PPARG: variants seen among roughly 807,000 people sequenced by gnomAD.
PPARG encodes peroxisome proliferator activated receptor gamma, also known as peroxisome proliferator-activated receptor gamma.
Under a neutral mutation model 39.2 loss-of-function variants are expected in PPARG, and 17 were observed. The observed-to-expected ratio is 0.43, with a 90% CI of 0.30 to 0.65. The LOEUF is 0.65. Among genes scored for constraint, PPARG ranks in the 30% least tolerant of loss-of-function variants. PPARG has a pLI of 0.13. For missense variants in PPARG, 406 were observed against 585.9 expected, an observed-to-expected ratio of 0.69 and a Z score of 3.17; for synonymous variants, 223 against 215.7, an observed-to-expected ratio of 1.03 and a Z score of -0.30.
intron 2 of PPARG, among the ~76,000 whole-genome samples, chr3:12,367,104 T>G (rs530276874): frequency 6.6e-6 from 1 of 152,296 alleles, no homozygotes; most frequent in Non-Finnish European, 1.5e-5. Context: ...TATTTCATCT[T>G]GTATGAGTTT....
Position 12,325,610 on chromosome 3 carries a change from T to A in PPARG, c.-9+13157T>A, listed in dbSNP as rs185285314. 5.2e-4 allele frequency among the ~76,000 whole-genome samples: 79 copies of A among 150,518 alleles called. 1 individual carries two copies. Among genetic ancestry groups the A allele is most frequent in the South Asian group, 1.7e-3 (8 of 4,748 alleles). ...AGCAAGACTCTGTCTCAAAAAAAAA[T>A]AAATAAATAAATAAAGGCTTAGTAT... is the stretch of plus-strand genomic sequence containing the variant. On this transcript the variant is annotated intron_variant, in intron 2 of 7. Transcript: ENST00000651735.
chr3:12,374,851 C>G (rs1330013377), intron 2 of PPARG, among the ~76,000 whole-genome samples: 3 of 152,084 alleles, frequency 2.0e-5, no homozygotes, highest in Non-Finnish European at 2.9e-5. Context: ...TAAAACTGCT[C>G]TCACAAAAGT....
At chr3:12,372,921 T>C (rs6809832) in intron 2 of PPARG, among the ~76,000 whole-genome samples, 20,435 of 152,188 alleles carry the variant, frequency 0.13, 1,562 homozygotes, top group Admixed American at 0.21. Flanking sequence ...CTAAAGACTT[T>C]AGCCTGCTTG....
chr3:12,310,815 A>AC (rs950666608), intron 1 of PPARG, among the ~76,000 whole-genome samples: 2 of 149,906 alleles, frequency 1.3e-5, no homozygotes, highest in Non-Finnish European at 3.0e-5. Flanking sequence ...AAAAAAAAAA[A>AC]AAAAAAAAAC....
chr3:12,339,815 T>C (rs2048124229), intron 2 of PPARG, among the ~76,000 whole-genome samples: 1 of 152,226 alleles, frequency 6.6e-6, no homozygotes, highest in African/African-American at 2.4e-5. Context: ...AATCTCTACC[T>C]CCTAATGATT....
chr3:12,289,262 A>G (rs923152398), intron 1 of PPARG, 128 bp downstream of exon 1: 2 of 152,166 alleles, frequency 1.3e-5, no homozygotes, highest in Non-Finnish European at 2.9e-5. Flanking sequence ...GAAGAATCCA[A>G]TTCACTTGGG....
upstream of PPARG, among the ~76,000 whole-genome samples, chr3:12,288,347 C>T (rs1216639865): frequency 2.0e-5 from 3 of 151,484 alleles, no homozygotes; most frequent in Non-Finnish European, 2.9e-5. Flanking sequence ...GGGCGGAGGG[C>T]GCGGGCACAG....
At chr3:12,314,969 G>T (rs2047350371) in intron 2 of PPARG, among the ~76,000 whole-genome samples, 1 of 152,044 alleles carries the variant, frequency 6.6e-6, no homozygotes, top group African/African-American at 2.4e-5. Context: ...TGTATTGGGA[G>T]CATTCAAAAT....
chr3:12,373,534 G>A (rs2049295431), intron 2 of PPARG, among the ~76,000 whole-genome samples: 1 of 152,068 alleles, frequency 6.6e-6, no homozygotes, highest in Non-Finnish European at 1.5e-5. Context: ...ATTTTTTGGA[G>A]AGAACTTAAG....
At chr3:12,304,123 G>A (rs1293526638) in intron 1 of PPARG, among the ~76,000 whole-genome samples, 3 of 152,042 alleles carry the variant, frequency 2.0e-5, no homozygotes, top group African/African-American at 4.8e-5. Context: ...CCTCTTTCAC[G>A]TGATGTGTGT....
intron 5 of PPARG, among the ~76,000 whole-genome samples, chr3:12,399,057 A>G (rs2050370828): frequency 6.6e-6 from 1 of 152,064 alleles, no homozygotes; most frequent in Admixed American, 6.6e-5. Context: ...TGTGTAATAT[A>G]CCCAGTCTCC....
intron 2 of PPARG, chr3:12,351,689 A>G (rs2048491998): frequency 5.7e-6 from 9 of 1,585,090 alleles, no homozygotes; most frequent in East Asian, 2.2e-5. Flanking sequence ...AGTTCCTTCC[A>G]GATACGGCTA....
intron 7 of PPARG, among the ~76,000 whole-genome samples, chr3:12,424,102 G>A (rs1021474204): frequency 6.6e-6 from 1 of 152,156 alleles, no homozygotes; most frequent in African/African-American, 2.4e-5. Flanking sequence ...TGTCCCATTA[G>A]TTCACTATTT....
Position 12,424,438 on chromosome 3 carries a change from C to T in PPARG, c.1180+7284C>T, listed in dbSNP as rs114773793. Among the ~76,000 whole-genome samples, 382 of 152,296 alleles carry T rather than the reference C, an allele frequency of 2.5e-3. 3 individuals carry two copies. The highest frequency in any genetic ancestry group is 8.6e-3 in the African/African-American group (357 of 41,558). Reference sequence around the variant, plus strand: ...CTGACTATGGGGTCGAATGCTGAGTCATTCCTGTCCCCACACCAGCAGTCC... The same window carrying T: ...CTGACTATGGGGTCGAATGCTGAGTTATTCCTGTCCCCACACCAGCAGTCC... On this transcript the variant is annotated intron_variant, in intron 7 of 7. Transcript: ENST00000651735.
chr3:12,407,506 T>C (rs1213249496), intron 6 of PPARG, among the ~76,000 whole-genome samples: 2 of 152,126 alleles, frequency 1.3e-5, no homozygotes, highest in East Asian at 1.9e-4. Context: ...GATTCTGATG[T>C]CTGCACAACG....
chr3:12,291,807 T>G (rs1161799215), intron 1 of PPARG, among the ~76,000 whole-genome samples: 1 of 152,222 alleles, frequency 6.6e-6, no homozygotes, highest in East Asian at 1.9e-4. Context: ...TGTTTACATT[T>G]TCAACTGTTT....
chr3:12,344,641 T>A (rs1424851864), intron 2 of PPARG, among the ~76,000 whole-genome samples: 1 of 152,206 alleles, frequency 6.6e-6, no homozygotes. Context: ...CCATACTCTA[T>A]ATACCGTCTC....
intron 7 of PPARG, among the ~76,000 whole-genome samples, chr3:12,425,201 G>A (rs2051396367): frequency 6.6e-6 from 1 of 152,210 alleles, no homozygotes; most frequent in Admixed American, 6.5e-5. Flanking sequence ...ACGTCCTGTG[G>A]CCCCCGAAGG....
At chr3:12,391,237 T>C (rs1209506738) in intron 4 of PPARG, among the ~76,000 whole-genome samples, 1 of 152,132 alleles carries the variant, frequency 6.6e-6, no homozygotes, top group East Asian at 1.9e-4. Flanking sequence ...ATAATTTTAA[T>C]TGAGCAGTGA....
Sources: allele counts gnomAD v4.1 joint callset (sites outside exome capture counted in the v4.1 genomes callset), GRCh38; gene constraint gnomAD v4.1.1; transcripts MANE v1.5; gene names NCBI Gene and HGNC (gene_info 2026-07-23, HGNC 2026-07-21).